Variants in STAMBP observed in about 807,000 individuals in gnomAD.
The protein encoded by STAMBP is STAM-binding protein.
Under a neutral mutation model 50.7 loss-of-function variants are expected in STAMBP, and 31 were observed. The ratio of observed to expected loss-of-function variants is 0.61; its 90% CI spans 0.46 to 0.83. The LOEUF is 0.83. Ranked by LOEUF, STAMBP falls within the 40% of genes least tolerant of loss-of-function variation. The pLI is 0.00. For synonymous variants in STAMBP, 211 were observed against 192.4 expected, an observed-to-expected ratio of 1.10 and a Z score of -0.80; for missense variants, 472 against 518.9, an observed-to-expected ratio of 0.91 and a Z score of 0.88.
downstream of STAMBP, among the ~76,000 whole-genome samples, chr2:73,867,858 C>T (rs1009900864): frequency 1.3e-5 from 2 of 152,036 alleles, no homozygotes; most frequent in African/African-American, 4.8e-5. Flanking sequence ...GGTGCGGTGG[C>T]TTACGCCTGT....
chr2:73,847,671 CTG>C lies in STAMBP; in HGVS notation c.662_663del (p.Cys221SerfsTer8), dbSNP rs749457090. On this transcript the variant is annotated frameshift_variant, in exon 5 of 10. Coordinates refer to ENST00000394070, the MANE Select transcript of STAMBP (RefSeq NM_213622.4). LOFTEE classifies it high-confidence loss of function. ...CAGTCTCATCCATACAGCCTTCAGA[CTG>C]TCACACAACTGTAAGGCCAGCTAAG... The part of the protein sequence containing the change: ...LTVSSIQPSD[C>X]HTTVRPAKPP... 1.2e-6 allele frequency: 2 copies of C among 1,614,234 alleles called. No homozygotes were observed. Among genetic ancestry groups the C allele is most frequent in the Non-Finnish European group, 1.7e-6 (2 of 1,180,038 alleles).
chr2:73,871,152 T>G (rs543780220), downstream of STAMBP, among the ~76,000 whole-genome samples: 3 of 152,292 alleles, frequency 2.0e-5, no homozygotes, highest in South Asian at 2.1e-4. Flanking sequence ...AGCCACAGTG[T>G]TGTTCTGTAA....
At chr2:73,869,238 G>A (rs1167159357), downstream of STAMBP, among the ~76,000 whole-genome samples, 1 of 151,840 alleles carries the variant, frequency 6.6e-6, no homozygotes, top group Admixed American at 6.6e-5. Context: ...ACAGGTAATA[G>A]CCATTTGTGA....
At position 73,863,988 on chromosome 2, in the gene STAMBP, T is replaced by A. The variant is rs1157059932; in HGVS notation, c.*1729T>A. 6.6e-6 allele frequency: 1 copy of A among 152,212 alleles called. No homozygotes were observed. 9.4% of individuals were successfully genotyped at this position (152,212 alleles called of 1,614,324 possible). On this transcript the variant is annotated 3_prime_UTR_variant, in exon 10 of 10. Transcript: ENST00000394070. ...CCATTGCTGAAAATCTAAATTTAGC[T>A]TTTAGTCAGAACTTTCCACTTAAAG...
Position 73,850,286 on chromosome 2 carries a change from T to TAG in STAMBP, c.868-88_868-87dup. The TAG allele has an allele frequency of 6.7e-7, 1 of 1,498,494 alleles. No homozygotes were observed. The highest frequency in any genetic ancestry group is 1.4e-5 in the South Asian group (1 of 73,566). The allele number at this position is 1,498,494 out of a possible 1,614,324, so 92.8% of individuals were successfully genotyped here. ...TGTGTGGGAAGGGCTTTCACTTGTA[T>TAG]AGATGCTTACCTTTCCACTGTCGGG... On this transcript the variant is annotated intron_variant, in intron 6 of 9. Transcript: ENST00000394070. This position sits in a 1 kb window ranked among gnomAD's most constrained non-coding sequence, Gnocchi z 4.3.
At chr2:73,832,378 C>T (rs1282521463) in intron 2 of STAMBP, among the ~76,000 whole-genome samples, 1 of 151,474 alleles carries the variant, frequency 6.6e-6, no homozygotes, top group Non-Finnish European at 1.5e-5. Flanking sequence ...TCGCTTGAAA[C>T]CAGGAGGCAG....
intron 9 of STAMBP, among the ~76,000 whole-genome samples, chr2:73,861,003 C>T (rs1678261759): frequency 6.6e-6 from 1 of 152,132 alleles, no homozygotes; most frequent in Admixed American, 6.5e-5. Context: ...TTCTGCTGAG[C>T]GTGAGGAAGA....
At chr2:73,851,502 T>A (rs527687989) in intron 7 of STAMBP, among the ~76,000 whole-genome samples, 2 of 152,216 alleles carry the variant, frequency 1.3e-5, no homozygotes, top group South Asian at 4.1e-4. Context: ...TAGGGTTTAG[T>A]AGAATGTTGG....
At position 73,858,598 on chromosome 2, in the gene STAMBP, A is replaced by T. The variant is rs530953241; in HGVS notation, c.1006-656A>T. Among the ~76,000 whole-genome samples, 7 of 152,336 alleles carry T rather than the reference A, an allele frequency of 4.6e-5. No homozygotes were observed. The East Asian group carries it at 1.4e-3, about 29-fold the overall frequency. On this transcript the variant is annotated intron_variant, in intron 7 of 9. Transcript: ENST00000394070. The stretch of plus-strand genomic sequence containing the variant: ...AGAACACTTGAAATCTACTCTCTTA[A>T]GCAGTTTTCAAGTGTATAATACATT...
At chr2:73,868,830 G>A (rs1252628686), downstream of STAMBP, among the ~76,000 whole-genome samples, 1 of 151,966 alleles carries the variant, frequency 6.6e-6, no homozygotes, top group Non-Finnish European at 1.5e-5. Context: ...AGCTGTGATA[G>A]CGCCACTGCA....
At chr2:73,855,713 C>T (rs1216430090) in intron 7 of STAMBP, 2 of 456,066 alleles carry the variant, frequency 4.4e-6, no homozygotes, top group South Asian at 3.1e-5. Flanking sequence ...CGTTCCTGTC[C>T]TGAAGGCTTC....
In STAMBP at chr2:73,860,161, T is replaced by C. The variant is rs1157992723; in HGVS notation, c.1218+10T>C. On this transcript the variant is annotated intron_variant, in intron 9 of 9. Coordinates refer to ENST00000394070, the MANE Select transcript of STAMBP (RefSeq NM_213622.4). ...TCCACCTCTGTTCTGTGTACGTATC[T>C]ATGTAAAAGAAAATGGGGCTATGCT... 20 of 1,608,908 alleles carry C rather than the reference T, an allele frequency of 1.2e-5. No homozygotes were observed. The highest frequency in any genetic ancestry group is 1.7e-5 in the Non-Finnish European group (20 of 1,176,602).
chr2:73,834,236 AATATAT>A lies in STAMBP; in HGVS notation c.203+3223_203+3228del, dbSNP rs148699255. On this transcript the variant is annotated intron_variant, in intron 2 of 9. Transcript: ENST00000394070. ...AAAAAAAAAAAAAAAAAAAAAAAAA[AATATAT>A]ATATATATATATATATATATATATA... 8.1e-3 allele frequency among the ~76,000 whole-genome samples: 293 copies of A among 36,336 alleles called. 3 individuals carry two copies. The highest frequency in any genetic ancestry group is 0.017 in the African/African-American group (103 of 6,072). 23.8% of individuals were successfully genotyped at this position (36,336 alleles called of 152,430 possible).
intron 5 of STAMBP, 101 bp from the exon 6 acceptor site, chr2:73,849,262 C>A: frequency 6.4e-7 from 1 of 1,569,380 alleles, no homozygotes; most frequent in Non-Finnish European, 8.7e-7. Flanking sequence ...TTGGGGGAAT[C>A]CCAGTGGCTT....
Position 73,831,013 on chromosome 2 carries a change from G to A in STAMBP, c.157G>A (p.Glu53Lys), listed in dbSNP as rs1490208894. 1 of 1,614,226 alleles carries A rather than the reference G, an allele frequency of 6.2e-7. No homozygotes were observed. Among genetic ancestry groups the A allele is most frequent in the East Asian group, 2.2e-5 (1 of 44,888 alleles). ...CCGAATGGCATCCATTTACTCTGAG[G>A]AAGGCAACATTGAACATGCCTTCAT... The part of the protein sequence containing the change: ...IIRMASIYSE[E>K]GNIEHAFILY... The change falls in exon 2 of 10, where the codon GAA becomes AAA. Residue 53 changes from glutamate to lysine, a missense_variant. Coordinates refer to ENST00000394070, the MANE Select transcript of STAMBP (RefSeq NM_213622.4).
intron 7 of STAMBP, among the ~76,000 whole-genome samples, chr2:73,851,153 T>G (rs1001566308): frequency 6.6e-6 from 1 of 152,262 alleles, no homozygotes; most frequent in Admixed American, 6.5e-5. Context: ...TGGCTTATTC[T>G]TGGATTACAC....
intron 6 of STAMBP, 25 bp downstream of exon 6, chr2:73,849,512 T>A: frequency 6.4e-7 from 1 of 1,570,528 alleles, no homozygotes. Flanking sequence ...AAAACCAAAC[T>A]CTTCTCTGAA....
In STAMBP at chr2:73,864,472, T is replaced by G. The variant is rs1257748607; in HGVS notation, c.*2213T>G. 1 of 152,254 alleles carries G rather than the reference T, an allele frequency of 6.6e-6. No homozygotes were observed. Among genetic ancestry groups the G allele is most frequent in the Non-Finnish European group, 1.5e-5 (1 of 68,096 alleles). The allele number at this position is 152,254 out of a possible 1,614,324, so 9.4% of individuals were successfully genotyped here. ...GGTCTAAGTGTCTCTGTCTTCATCT[T>G]ACCTCTGTGGAGGAGACGTGGAATC... On this transcript the variant is annotated 3_prime_UTR_variant, in exon 10 of 10. Coordinates refer to ENST00000394070, the MANE Select transcript of STAMBP (RefSeq NM_213622.4).
chr2:73,853,028 AT>A (rs1027038832), intron 7 of STAMBP, among the ~76,000 whole-genome samples: 2 of 151,054 alleles, frequency 1.3e-5, no homozygotes, highest in Non-Finnish European at 3.0e-5. Context: ...GATCCTCGTG[AT>A]TATAGGCATG....
Sources: gnomAD v4.1 joint callset for allele counts (sites outside exome capture counted in the v4.1 genomes callset) on GRCh38, gnomAD v4.1.1 for gene constraint, Gnocchi (gnomAD v3.1) non-coding constraint, MANE v1.5 for transcripts, NCBI Gene and HGNC (gene_info 2026-07-23, HGNC 2026-07-21) for gene names.